FBXO4: variants seen among roughly 807,000 people sequenced by gnomAD.
FBXO4 encodes F-box only protein 4.
A neutral mutation model predicts 43.7 loss-of-function variants in FBXO4; 36 were observed. The ratio of observed to expected loss-of-function variants is 0.82; its 90% CI spans 0.63 to 1.09. FBXO4 has a LOEUF of 1.09. Among genes scored for constraint, FBXO4 ranks in the 50% least tolerant of loss-of-function variants. The pLI is 0.00. For missense variants in FBXO4, 435 were observed against 474.1 expected, an observed-to-expected ratio of 0.92 and a Z score of 0.77; for synonymous variants, 180 against 165.6, an observed-to-expected ratio of 1.09 and a Z score of -0.67.
At chr5:41,926,980 C>T in intron 1 of FBXO4, 33 bp from the exon 2 acceptor site, 11 of 1,405,056 alleles carry the variant, frequency 7.8e-6, no homozygotes, top group South Asian at 2.7e-5. Context: ...TTCTTCATTC[C>T]TTTTTCCTAC....
the FBXO4 span, among the ~76,000 whole-genome samples, chr5:42,013,062 T>C: frequency 2.0e-5 from 3 of 152,186 alleles, no homozygotes; most frequent in South Asian, 6.2e-4. Flanking sequence ...TCCAACACTT[T>C]GAAAGGCCAA....
chr5:41,943,535 G>T (rs1393257355), downstream of FBXO4, among the ~76,000 whole-genome samples: 1 of 152,064 alleles, frequency 6.6e-6, no homozygotes, highest in Middle Eastern at 3.2e-3. Flanking sequence ...CTCAACTTCA[G>T]TACTAACGTT....
At chr5:41,929,240 T>C (rs188055894) in intron 2 of FBXO4, among the ~76,000 whole-genome samples, 1 of 152,336 alleles carries the variant, frequency 6.6e-6, no homozygotes. Flanking sequence ...GCCCTATGCA[T>C]TGTAGGATTA....
chr5:41,952,797 T>C, the FBXO4 span, among the ~76,000 whole-genome samples: 1 of 152,168 alleles, frequency 6.6e-6, no homozygotes, highest in African/African-American at 2.4e-5. Flanking sequence ...CTTTTCTTCT[T>C]TGTCTAGTCT....
the FBXO4 span, among the ~76,000 whole-genome samples, chr5:42,017,189 A>T: frequency 6.6e-6 from 1 of 152,126 alleles, no homozygotes; most frequent in African/African-American, 2.4e-5. Flanking sequence ...TAGTAACAAC[A>T]AAATGTATCT....
chr5:42,034,414 C>T, the FBXO4 span, among the ~76,000 whole-genome samples: 19 of 152,060 alleles, frequency 1.2e-4, no homozygotes, highest in African/African-American at 4.3e-4. Context: ...TTGCTTTTGA[C>T]ATTTTCGTCA....
the FBXO4 span, among the ~76,000 whole-genome samples, chr5:41,949,570 C>A: frequency 6.6e-6 from 1 of 152,108 alleles, no homozygotes; most frequent in African/African-American, 2.4e-5. Context: ...AGAGAGGACA[C>A]AAACAAATGG....
the FBXO4 span, among the ~76,000 whole-genome samples, chr5:42,031,621 TA>T: frequency 6.6e-6 from 1 of 151,820 alleles, no homozygotes; most frequent in African/African-American, 2.4e-5. Flanking sequence ...ATAATAAAAT[TA>T]AAAAAACAAA....
At chr5:41,986,889 G>T in the FBXO4 span, among the ~76,000 whole-genome samples, 2 of 152,056 alleles carry the variant, frequency 1.3e-5, no homozygotes, top group African/African-American at 4.8e-5. Flanking sequence ...TATATAAATT[G>T]TTGTGATTTG....
At chr5:41,957,245 A>C in the FBXO4 span, among the ~76,000 whole-genome samples, 1 of 151,886 alleles carries the variant, frequency 6.6e-6, no homozygotes, top group Non-Finnish European at 1.5e-5. Context: ...CACATATGAT[A>C]ACTTATTTGA....
chr5:41,988,909 A>G, the FBXO4 span, among the ~76,000 whole-genome samples: 2 of 152,226 alleles, frequency 1.3e-5, no homozygotes, highest in African/African-American at 4.8e-5. Context: ...TGAAAACAAA[A>G]TTATCAAGCT....
At chr5:42,030,296 A>G in the FBXO4 span, among the ~76,000 whole-genome samples, 1 of 152,186 alleles carries the variant, frequency 6.6e-6, no homozygotes, top group African/African-American at 2.4e-5. Flanking sequence ...CCTCAGAAAT[A>G]ATGCTGCATG....
intron 3 of FBXO4, among the ~76,000 whole-genome samples, chr5:41,933,032 G>A (rs930790861): frequency 1.3e-5 from 2 of 152,160 alleles, no homozygotes; most frequent in African/African-American, 4.8e-5. Context: ...GTATGATCTC[G>A]TTTAATCTTC....
At chr5:41,997,782 T>A in the FBXO4 span, among the ~76,000 whole-genome samples, 1 of 152,190 alleles carries the variant, frequency 6.6e-6, no homozygotes, top group African/African-American at 2.4e-5. Flanking sequence ...GCAATTACTC[T>A]GGTAAAAGGC....
At chr5:42,015,918 G>C in the FBXO4 span, among the ~76,000 whole-genome samples, 16,660 of 152,010 alleles carry the variant, frequency 0.11, 1,443 homozygotes, top group African/African-American at 0.24. Context: ...CAAAGTAATG[G>C]CACAAAATAA....
At chr5:41,990,477 T>C in the FBXO4 span, among the ~76,000 whole-genome samples, 2 of 152,188 alleles carry the variant, frequency 1.3e-5, no homozygotes, top group African/African-American at 4.8e-5. Context: ...TATGAAAATA[T>C]ATTGGTAGTG....
chr5:42,000,952 A>G, the FBXO4 span, among the ~76,000 whole-genome samples: 1 of 152,192 alleles, frequency 6.6e-6, no homozygotes, highest in African/African-American at 2.4e-5. Flanking sequence ...TTTATGCCAT[A>G]GCATATATTG....
At chr5:41,939,322 T>C (rs547682688) in intron 5 of FBXO4, 119 bp from the exon 6 acceptor site, 2 of 861,554 alleles carry the variant, frequency 2.3e-6, no homozygotes, top group Admixed American at 5.1e-5. Flanking sequence ...TTTTTTTCCC[T>C]CAGTTTATGT....
Position 41,934,137 on chromosome 5 carries a change from G to C in FBXO4, c.727G>C (p.Glu243Gln), listed in dbSNP as rs766966528. 8.7e-5 allele frequency: 140 copies of C among 1,613,696 alleles called. 2 individuals carry two copies. The Admixed American group carries it at 2.3e-3, about 26-fold the overall frequency. The change falls in exon 5 of 7, where the codon GAA becomes CAA. Residue 243 changes from glutamate to glutamine, a missense_variant. Glu to Gln is a conservative substitution (Grantham distance 29). Coordinates refer to ENST00000281623, the MANE Select transcript of FBXO4 (RefSeq NM_012176.3). ...TCTTTACAATTTTTTTTCTAGAAAGGAAAGAGATAGAGCAAGGGAAGAGCA... is the reference window on the plus strand; with the variant it reads ...TCTTTACAATTTTTTTTCTAGAAAGCAAAGAGATAGAGCAAGGGAAGAGCA... ...ILILYSTTRKERDRAREEHTS... is the reference protein window; with the variant it reads ...ILILYSTTRKQRDRAREEHTS...
Sources: gnomAD v4.1 joint callset for allele counts (sites outside exome capture counted in the v4.1 genomes callset) on GRCh38, gnomAD v4.1.1 for gene constraint, MANE v1.5 for transcripts, NCBI Gene and HGNC (gene_info 2026-07-23, HGNC 2026-07-21) for gene names.